THSD1: variants seen among roughly 807,000 people sequenced by gnomAD.
THSD1 encodes thrombospondin type 1 domain containing 1, also known as thrombospondin type-1 domain-containing protein 1.
THSD1 carries 34 observed loss-of-function variants against 46.3 expected under a neutral mutation model. That is an observed-to-expected ratio of 0.74 (90% CI 0.56 to 0.98). THSD1 has a LOEUF of 0.98. Ranked by LOEUF, THSD1 falls within the 50% of genes least tolerant of loss-of-function variation. The pLI is 0.00. For missense variants in THSD1, 1,023 were observed against 1,058.3 expected, an observed-to-expected ratio of 0.97 and a Z score of 0.46; for synonymous variants, 407 against 416.5, an observed-to-expected ratio of 0.98 and a Z score of 0.28.
chr13:52,396,052 C>T (rs548516679), intron 3 of THSD1, among the ~76,000 whole-genome samples: 2 of 152,050 alleles, frequency 1.3e-5, no homozygotes, highest in African/African-American at 4.8e-5. Flanking sequence ...AAGGGATGAA[C>T]CATGGAATCT....
At chr13:52,391,232 T>G (rs1314153690) in intron 3 of THSD1, among the ~76,000 whole-genome samples, 1 of 151,996 alleles carries the variant, frequency 6.6e-6, no homozygotes, top group Admixed American at 6.6e-5. Flanking sequence ...TTTTTTTTTT[T>G]TTGAGACAAT....
At chr13:52,389,118 G>A (rs1363198794) in intron 3 of THSD1, among the ~76,000 whole-genome samples, 1 of 151,734 alleles carries the variant, frequency 6.6e-6, no homozygotes, top group East Asian at 2.0e-4. Context: ...GTATCACGAT[G>A]CCCAGCTAAG....
Position 52,377,931 on chromosome 13 carries a change from G to C in THSD1, c.2039C>G (p.Ala680Gly), listed in dbSNP as rs200871911. Residue 680 changes from alanine (A) to glycine (G), a missense_variant, in exon 5 of 5, where the codon GCC (alanine) becomes GGC (glycine). Physicochemically the swap from Ala to Gly is moderately conservative, Grantham distance 60. Coordinates refer to ENST00000258613, the MANE Select transcript of THSD1 (RefSeq NM_018676.4). ...GCAGGTCCGCGTCCTAGAGCTGTAGGCAGGGGCCTGCCGTGGAGTCAGAGT... is the reference window on the plus strand; with the variant it reads ...GCAGGTCCGCGTCCTAGAGCTGTAGCCAGGGGCCTGCCGTGGAGTCAGAGT... ...MSTLTPRQAPAYSSRTRTCEQ... is the reference protein window; with the variant it reads ...MSTLTPRQAPGYSSRTRTCEQ... 1.9e-6 allele frequency: 3 copies of C among 1,614,072 alleles called. No homozygotes were observed. In the South Asian group the frequency reaches 3.3e-5, roughly 18 times the overall value.
At position 52,386,059 on chromosome 13, in the gene THSD1, C is replaced by G; in HGVS notation, c.1149G>C (p.Glu383Asp). 1 of 1,614,078 alleles carries G rather than the reference C, an allele frequency of 6.2e-7. No individual in the cohort carries two copies. The highest frequency in any genetic ancestry group is 2.2e-5 in the East Asian group (1 of 44,852). Residue 383 changes from glutamate to aspartate, a missense_variant, in exon 4 of 5, where the codon GAG (glutamate) becomes GAC (aspartate). Around this residue, in one of 3 missense-constraint regions of THSD1, gnomAD observed 429 missense variants for 518.3 expected, o/e 0.83. Transcript: ENST00000258613. ...ACTCCTCCAGGGAACACAGGGAGGC[C>G]TCCAAGGACATTCCAGGGCAGACAG... The part of the protein sequence containing the change: ...SSPVCPGMSL[E>D]ASLCSLEECA...
intron 4 of THSD1, chr13:52,384,255 TGTTA>T: frequency 8.9e-6 from 3 of 336,456 alleles, no homozygotes; most frequent in South Asian, 7.2e-5. Flanking sequence ...CAAAAATGAT[TGTTA>T]ATTCCAGGTT....
At chr13:52,379,647 T>A (rs1053906368) in intron 4 of THSD1, among the ~76,000 whole-genome samples, 7 of 152,032 alleles carry the variant, frequency 4.6e-5, no homozygotes, top group Admixed American at 2.0e-4. Context: ...GCTCATTTTT[T>A]AATTTTTAGT....
chr13:52,400,305 A>G (rs796980235), intron 2 of THSD1, among the ~76,000 whole-genome samples: 2 of 152,176 alleles, frequency 1.3e-5, no homozygotes, highest in African/African-American at 4.8e-5. Flanking sequence ...CTGTTAGAAA[A>G]CTACAATTTG....
Position 52,378,586 on chromosome 13 carries a change from T to A in THSD1, c.1384A>T (p.Asn462Tyr). The change falls in exon 5 of 5, where the codon AAC becomes TAC. Residue 462 changes from asparagine to tyrosine, a missense_variant. Physicochemically the swap from Asn to Tyr is moderately radical, Grantham distance 143. Around this residue, in one of 3 missense-constraint regions of THSD1, gnomAD observed 578 missense variants for 497.4 expected, o/e 1.16. Coordinates refer to ENST00000258613, the MANE Select transcript of THSD1 (RefSeq NM_018676.4). ...NSIHSPSFRK[N>Y]SDEENICELS... ...TCGCAGATATTCTCCTCGTCCGAGTTCTTCCGGAAGCTGGGGGAGTGGATG... is the reference window on the plus strand; with the variant it reads ...TCGCAGATATTCTCCTCGTCCGAGTACTTCCGGAAGCTGGGGGAGTGGATG... The A allele has an allele frequency of 6.2e-7, 1 of 1,614,180 alleles. No homozygotes were observed. The highest frequency in any genetic ancestry group is 8.5e-7 in the Non-Finnish European group (1 of 1,180,042).
intron 4 of THSD1, among the ~76,000 whole-genome samples, 162 bp from the exon 5 acceptor site, chr13:52,378,951 C>T (rs1279539130): frequency 6.7e-6 from 1 of 149,976 alleles, no homozygotes; most frequent in East Asian, 2.0e-4. Flanking sequence ...CAACCTCCGC[C>T]TCCCAGGCTC....
chr13:52,384,617 A>G (rs1209443493), intron 4 of THSD1, among the ~76,000 whole-genome samples: 2 of 152,252 alleles, frequency 1.3e-5, no homozygotes, highest in African/African-American at 4.8e-5. Context: ...AATGGTAATA[A>G]CAATAAATAA....
intron 3 of THSD1, among the ~76,000 whole-genome samples, chr13:52,392,160 C>G (rs1375625485): frequency 7.5e-6 from 1 of 133,518 alleles, no homozygotes; most frequent in African/African-American, 2.7e-5. Context: ...CCACTGCGCT[C>G]CAGCCTGGGG....
Position 52,397,282 on chromosome 13 carries a change from CT to C in THSD1, c.970del (p.Arg324GlufsTer12). The C allele has an allele frequency of 5.0e-6, 8 of 1,611,888 alleles. No individual in the cohort carries two copies. Among genetic ancestry groups the C allele is most frequent in the Non-Finnish European group, 6.8e-6 (8 of 1,179,056 alleles). On this transcript the variant is annotated frameshift_variant, in exon 3 of 5. Transcript: ENST00000258613. LOFTEE classifies it high-confidence loss of function. ...CTCCTCCTTTGCAGAAAAATGGCTTCTGCTTGAAATGCCAAAGTCAAAGCAG... is the reference window on the plus strand; with the variant it reads ...CTCCTCCTTTGCAGAAAAATGGCTTCGCTTGAAATGCCAAAGTCAAAGCAG... ...KYCFDFGISS[R>X]SHFSAKEECM...
chr13:52,378,376 G>A lies in THSD1; in HGVS notation c.1594C>T (p.Leu532Phe). 1.2e-6 allele frequency: 2 copies of A among 1,614,118 alleles called. No individual in the cohort carries two copies. The highest frequency in any genetic ancestry group is 1.7e-6 in the Non-Finnish European group (2 of 1,180,048). The change falls in exon 5 of 5, where the codon CTT becomes TTT. Residue 532 changes from leucine (L) to phenylalanine (F), a missense_variant. Leu to Phe is a conservative substitution (Grantham distance 22). Coordinates refer to ENST00000258613, the MANE Select transcript of THSD1 (RefSeq NM_018676.4). ...KIIPPLFSYR[L>F]AQQQLKEMKK... The stretch of plus-strand genomic sequence containing the variant: ...ATCTCCTTTAACTGCTGCTGGGCAA[G>A]GCGGTAGCTGAACAGAGGTGGGATT...
Position 52,386,094 on chromosome 13 carries a change from G to A in THSD1, c.1114C>T (p.Pro372Ser). The part of the protein sequence containing the change: ...ERRRVCLTSF[P>S]SSPVCPGMSL... ...ATTCCAGGGCAGACAGGACTGGAGG[G>A]GAAGGAAGTGAGACACACTCGGCGA... The change falls in exon 4 of 5, where the codon CCC becomes TCC. Residue 372 changes from proline (P) to serine (S), a missense_variant. By Grantham distance (74) the Pro-to-Ser change is moderately conservative. Coordinates refer to ENST00000258613, the MANE Select transcript of THSD1 (RefSeq NM_018676.4). 1 of 1,614,094 alleles carries A rather than the reference G, an allele frequency of 6.2e-7. No homozygotes were observed. The highest frequency in any genetic ancestry group is 8.5e-7 in the Non-Finnish European group (1 of 1,180,000).
intron 4 of THSD1, chr13:52,384,184 C>CAA (rs754288122): frequency 9.9e-3 from 1,602 of 161,496 alleles, no homozygotes; most frequent in South Asian, 0.015. Context: ...AACTCCGTCT[C>CAA]AAAAAAAAAA....
chr13:52,404,947 A>G (rs560249397), intron 1 of THSD1, among the ~76,000 whole-genome samples: 1 of 152,250 alleles, frequency 6.6e-6, no homozygotes, highest in Non-Finnish European at 1.5e-5. Flanking sequence ...CTACTTGTCA[A>G]TCATAATATG....
Position 52,397,452 on chromosome 13 carries a change from G to A in THSD1, c.801C>T (p.Phe267=), listed in dbSNP as rs1007621890. 11 of 1,613,962 alleles carry A rather than the reference G, an allele frequency of 6.8e-6. No individual in the cohort carries two copies. Among genetic ancestry groups the A allele is most frequent in the African/African-American group, 2.7e-5 (2 of 74,898 alleles). ...EVTVLPPPCT[F]VQGVVTVFKE... ...TGAAGACAGTGACCACTCCTTGGAC[G>A]AAGGTGCATGGTGGAGGCAGCACTG... Residue 267 remains phenylalanine (F), a synonymous_variant, in exon 3 of 5, where the codon TTC becomes TTT. Transcript: ENST00000258613.
In THSD1 at chr13:52,397,520, C is replaced by A. The variant is rs780869848; in HGVS notation, c.733G>T (p.Val245Leu). 2 of 1,614,084 alleles carry A rather than the reference C, an allele frequency of 1.2e-6. No homozygotes were observed. Residue 245 changes from valine (V) to leucine (L), a missense_variant, in exon 3 of 5, where the codon GTG (valine) becomes TTG (leucine). Physicochemically the swap from Val to Leu is conservative, Grantham distance 32 (BLOSUM62 1). This residue lies in a region of THSD1 where 429 missense variants were observed against 518.3 expected (regional missense o/e 0.83). Transcript: ENST00000258613. ...DLAQKFGYKL[V>L]MVPELTCESG... ...TCACATGTGAGTTCTGGCACCATCA[C>A]CAGTTTGTATCCAAATTTCTGGGCC...
chr13:52,379,560 C>T (rs867547834), intron 4 of THSD1, among the ~76,000 whole-genome samples: 4 of 152,072 alleles, frequency 2.6e-5, no homozygotes, highest in African/African-American at 9.7e-5. Flanking sequence ...CAACAACTTC[C>T]GCCTCCACGG....
Sources: gnomAD v4.1 joint callset for allele counts (sites outside exome capture counted in the v4.1 genomes callset) on GRCh38, gnomAD v4.1.1 for gene constraint, gnomAD v4.1.1 regional missense constraint, MANE v1.5 for transcripts, NCBI Gene and HGNC (gene_info 2026-07-23, HGNC 2026-07-21) for gene names.